RASSF6: variants seen among roughly 807,000 people sequenced by gnomAD.
The protein encoded by RASSF6 is Ras association domain family member 6, also known as ras association domain-containing protein 6.
RASSF6 carries 52 observed loss-of-function variants against 44.0 expected under a neutral mutation model. The observed-to-expected ratio is 1.18, with a 90% CI of 0.95 to 1.49. RASSF6 has a LOEUF of 1.49. Among genes scored for constraint, RASSF6 ranks in the 40% most tolerant of loss-of-function variants. The pLI, the probability that RASSF6 is intolerant of heterozygous loss-of-function variation, is 0.00. For missense variants in RASSF6, 464 were observed against 393.3 expected (o/e 1.18, Z -1.52); for synonymous variants, 162 against 124.6 (o/e 1.30, Z -2.00).
rs1249108429 is a variant in RASSF6 at position 73,580,518 on chromosome 4, A to G, written c.721+1299T>C. On this transcript the variant is annotated intron_variant, in intron 8 of 10. Transcript: ENST00000307439. ...TGTAAAAGTGTTCCTATTTCTCCAC[A>G]TCCTCTCCAGTACCTGTTGTTTCCT... is the stretch of plus-strand genomic sequence containing the variant. Among the ~76,000 whole-genome samples the G allele has an allele frequency of 3.3e-3, 494 of 151,106 alleles. 3 individuals carry two copies. The highest frequency in any genetic ancestry group is 0.012 in the African/African-American group (475 of 41,040).
At position 73,572,499 on chromosome 4, in the gene RASSF6, T is replaced by G. The variant is rs963824436; in HGVS notation, c.*3736A>C. 1.3e-5 allele frequency: 2 copies of G among 152,114 alleles called. No individual in the cohort carries two copies. The highest frequency in any genetic ancestry group is 4.8e-5 in the African/African-American group (2 of 41,422). 9.4% of individuals were successfully genotyped at this position (152,114 alleles called of 1,614,324 possible). A position where few individuals can be genotyped will look rare whatever the true frequency, so the allele number is the denominator to read the frequency against. On this transcript the variant is annotated 3_prime_UTR_variant, in exon 11 of 11. Coordinates refer to ENST00000307439, the MANE Select transcript of RASSF6 (RefSeq NM_177532.5). ...GTATACATATATAATAATATAATAT[T>G]GTACCCCATAAATACATACAATTAT... is the stretch of plus-strand genomic sequence containing the variant.
chr4:73,617,383 T>G (rs1174974687), intron 1 of RASSF6, among the ~76,000 whole-genome samples: 1 of 152,190 alleles, frequency 6.6e-6, no homozygotes, highest in African/African-American at 2.4e-5. Flanking sequence ...AAATTTGTAT[T>G]AAGGCACTTA....
chr4:73,578,180 G>T (rs1286530314), intron 8 of RASSF6, among the ~76,000 whole-genome samples: 1 of 152,094 alleles, frequency 6.6e-6, no homozygotes, highest in Non-Finnish European at 1.5e-5. Context: ...CAACACGCTT[G>T]TTCGTTCATA....
At chr4:73,581,703 A>C in intron 8 of RASSF6, 114 bp downstream of exon 8, 1 of 638,230 alleles carries the variant, frequency 1.6e-6, no homozygotes, top group South Asian at 2.4e-5. Flanking sequence ...CTTTTCTCCT[A>C]CCCATTCCTC....
chr4:73,585,972 A>G (rs866060929), intron 5 of RASSF6, among the ~76,000 whole-genome samples: 4 of 120,596 alleles, frequency 3.3e-5, no homozygotes, highest in African/African-American at 3.1e-5. Context: ...TCCTAATGCT[A>G]TCCCTCCCCC....
intron 2 of RASSF6, among the ~76,000 whole-genome samples, chr4:73,610,833 G>A (rs1391878106): frequency 6.6e-6 from 1 of 152,164 alleles, no homozygotes; most frequent in African/African-American, 2.4e-5. Flanking sequence ...GAGAGTAAGG[G>A]TTTTGTTTGG....
At chr4:73,609,414 G>T (rs1725861875) in intron 2 of RASSF6, among the ~76,000 whole-genome samples, 1 of 152,142 alleles carries the variant, frequency 6.6e-6, no homozygotes, top group Non-Finnish European at 1.5e-5. Flanking sequence ...AAGCTAACCT[G>T]TGCCAATACC....
chr4:73,593,155 A>G (rs547016781), intron 4 of RASSF6, among the ~76,000 whole-genome samples: 2 of 151,904 alleles, frequency 1.3e-5, no homozygotes, highest in African/African-American at 2.4e-5. Flanking sequence ...AGCTGGGATT[A>G]CAGGCGGCTG....
At position 73,571,556 on chromosome 4, in the gene RASSF6, T is replaced by C. The variant is rs531272609; in HGVS notation, c.*4679A>G. The C allele has an allele frequency of 1.3e-5, 2 of 152,046 alleles. No individual in the cohort carries two copies. Among genetic ancestry groups the C allele is most frequent in the African/African-American group, 4.8e-5 (2 of 41,528 alleles). The allele number at this position is 152,046 out of a possible 1,614,324, so 9.4% of individuals were successfully genotyped here. The stretch of plus-strand genomic sequence containing the variant: ...TATATCAGGGAAAAACATATATATA[T>C]ATATAATGTTTAATATTTTTTCAGC... On this transcript the variant is annotated 3_prime_UTR_variant, in exon 11 of 11. Coordinates refer to ENST00000307439, the MANE Select transcript of RASSF6 (RefSeq NM_177532.5).
At chr4:73,597,778 A>G (rs1219917955) in intron 3 of RASSF6, among the ~76,000 whole-genome samples, 4 of 152,230 alleles carry the variant, frequency 2.6e-5, no homozygotes, top group Non-Finnish European at 5.9e-5. Context: ...ACACCATGGA[A>G]TACTATGCAG....
chr4:73,583,394 T>C (rs1723820229), intron 6 of RASSF6, among the ~76,000 whole-genome samples: 1 of 152,156 alleles, frequency 6.6e-6, no homozygotes. Flanking sequence ...TGCTATCATT[T>C]ACTATCACAT....
At chr4:73,578,264 A>G (rs897966911) in intron 8 of RASSF6, among the ~76,000 whole-genome samples, 1 of 152,212 alleles carries the variant, frequency 6.6e-6, no homozygotes, top group Non-Finnish European at 1.5e-5. Flanking sequence ...ACTGCAGGCT[A>G]AAGTTAGAGG....
chr4:73,612,643 ATTC>A (rs1172722719), intron 1 of RASSF6, among the ~76,000 whole-genome samples: 9 of 152,204 alleles, frequency 5.9e-5, no homozygotes, highest in Admixed American at 4.6e-4. Flanking sequence ...CAGGAAAGCT[ATTC>A]TTCTATTCTC....
At chr4:73,612,408 A>G (rs1726072163) in intron 1 of RASSF6, among the ~76,000 whole-genome samples, 2 of 151,966 alleles carry the variant, frequency 1.3e-5, no homozygotes, top group African/African-American at 2.4e-5. Context: ...TTCAGTTATC[A>G]TGGCTCCAAG....
At position 73,572,284 on chromosome 4, in the gene RASSF6, C is replaced by G. The variant is rs1310038784; in HGVS notation, c.*3951G>C. The G allele has an allele frequency of 6.6e-6, 1 of 152,076 alleles. No individual in the cohort carries two copies. Among genetic ancestry groups the G allele is most frequent in the Non-Finnish European group, 1.5e-5 (1 of 68,024 alleles). 9.4% of individuals were successfully genotyped at this position (152,076 alleles called of 1,614,324 possible). A position where few individuals can be genotyped will look rare whatever the true frequency, so the allele number is the denominator to read the frequency against. ...TTGACTTCCCCCAGAGCAAGTGGTC[C>G]AAGAGAGAGCAAGGAGGAAGCCACA... On this transcript the variant is annotated 3_prime_UTR_variant, in exon 11 of 11. Coordinates refer to ENST00000307439, the MANE Select transcript of RASSF6 (RefSeq NM_177532.5).
rs776201318 is a variant in RASSF6, at chr4:73,576,285, G to A, written c.964C>T (p.Leu322=). The change falls in exon 11 of 11, where the codon CTG becomes TTG. Residue 322 remains leucine (L), a synonymous_variant. Coordinates refer to ENST00000307439, the MANE Select transcript of RASSF6 (RefSeq NM_177532.5). Reference sequence around the variant, plus strand: ...ACTAGTTTATTTTGAAGACATTTCAGTATAATCGCCTTTTCTTTATTGAAT... The same window carrying A: ...ACTAGTTTATTTTGAAGACATTTCAATATAATCGCCTTTTCTTTATTGAAT... ...TKFNKEKAII[L]KCLQNKLVIK... is the part of the protein sequence containing the mutation. The A allele has an allele frequency of 6.4e-7, 1 of 1,563,162 alleles. No individual in the cohort carries two copies. The highest frequency in any genetic ancestry group is 1.4e-5 in the African/African-American group (1 of 73,554).
Position 73,618,978 on chromosome 4 carries a change from T to C in RASSF6, c.-35+1310A>G, listed in dbSNP as rs1726537623. ...AAGCCACTTTCCTGTAATTTAAGCT[T>C]AAGAGGTAGAGACTGACAAAATACA... On this transcript the variant is annotated intron_variant, in intron 1 of 10. Transcript: ENST00000307439. Among the ~76,000 whole-genome samples, 2 of 152,172 alleles carry C rather than the reference T, an allele frequency of 1.3e-5. 1 individual carries two copies. Among genetic ancestry groups the C allele is most frequent in the Non-Finnish European group, 2.9e-5 (2 of 68,020 alleles).
At position 73,571,692 on chromosome 4, in the gene RASSF6, A is replaced by G. The variant is rs1272559215; in HGVS notation, c.*4543T>C. 1 of 152,022 alleles carries G rather than the reference A, an allele frequency of 6.6e-6. No homozygotes were observed. Among genetic ancestry groups the G allele is most frequent in the Non-Finnish European group, 1.5e-5 (1 of 67,994 alleles). 9.4% of individuals were successfully genotyped at this position (152,022 alleles called of 1,614,324 possible). A position where few individuals can be genotyped will look rare whatever the true frequency, so the allele number is the denominator to read the frequency against. The stretch of plus-strand genomic sequence containing the variant: ...ATTCTTTCATTCACTTATTTATTCA[A>G]TCAATTTTTATTGAGCACATCCTAC... On this transcript the variant is annotated 3_prime_UTR_variant, in exon 11 of 11. Coordinates refer to ENST00000307439, the MANE Select transcript of RASSF6 (RefSeq NM_177532.5).
At chr4:73,590,372 C>T (rs1724448391) in intron 4 of RASSF6, among the ~76,000 whole-genome samples, 1 of 152,156 alleles carries the variant, frequency 6.6e-6, no homozygotes, top group South Asian at 2.1e-4. Context: ...CCCACGTTTA[C>T]CCACTGCAGA....
Sources: allele counts gnomAD v4.1 joint callset (sites outside exome capture counted in the v4.1 genomes callset), GRCh38; gene constraint gnomAD v4.1.1; transcripts MANE v1.5; gene names NCBI Gene and HGNC (gene_info 2026-07-23, HGNC 2026-07-21).